TUSC3: variants seen among roughly 807,000 people sequenced by gnomAD.
TUSC3 encodes tumor suppressor candidate 3.
A neutral mutation model predicts 44.8 loss-of-function variants in TUSC3; 45 were observed. That is an observed-to-expected ratio of 1.00 (90% confidence interval 0.79 to 1.29). The LOEUF is 1.29. Among genes scored for constraint, TUSC3 ranks in the 50% most tolerant of loss-of-function variants. TUSC3 has a pLI of 0.00. For missense variants in TUSC3, 519 were observed against 437.9 expected (o/e 1.19, Z -1.65); for synonymous variants, 212 against 152.9 (o/e 1.39, Z -2.85).
Position 15,602,666 on chromosome 8 carries a change from A to ATGTGTGTG in TUSC3, c.139-20390_139-20383dup, listed in dbSNP as rs60206119. On this transcript the variant is annotated intron_variant, in intron 1 of 10. Transcript: ENST00000503731. ...GGGTTGTGAAGATTAAAATATTTATATGTGTGTGTGTGTGTGTGTGTGTGT... is the reference window on the plus strand; with the variant it reads ...GGGTTGTGAAGATTAAAATATTTATATGTGTGTGTGTGTGTGTGTGTGTGTGTGTGTGT... 2.3e-3 allele frequency among the ~76,000 whole-genome samples: 341 copies of ATGTGTGTG among 145,962 alleles called. 2 individuals carry two copies. The highest frequency in any genetic ancestry group is 6.7e-3 in the African/African-American group (268 of 40,190).
intron 1 of TUSC3, among the ~76,000 whole-genome samples, chr8:15,481,368 T>G (rs1585060489): frequency 6.6e-6 from 1 of 152,096 alleles, no homozygotes; most frequent in Non-Finnish European, 1.5e-5. Flanking sequence ...GGTAGCAGCT[T>G]CCTTATTAAA....
At chr8:15,474,875 G>C (rs924853757) in intron 1 of TUSC3, among the ~76,000 whole-genome samples, 1 of 152,112 alleles carries the variant, frequency 6.6e-6, no homozygotes, top group Non-Finnish European at 1.5e-5. Flanking sequence ...GTCTGTACTA[G>C]CCTCCTAACA....
downstream of TUSC3, among the ~76,000 whole-genome samples, chr8:15,768,294 A>T (rs1189936784): frequency 6.6e-6 from 1 of 152,182 alleles, no homozygotes; most frequent in Admixed American, 6.6e-5. Flanking sequence ...TGCTACATAA[A>T]CTGCAATTCA....
intron 1 of TUSC3, among the ~76,000 whole-genome samples, chr8:15,465,261 A>C (rs1390051): frequency 0.54 from 82,263 of 151,972 alleles, 23,414 homozygotes; most frequent in African/African-American, 0.72. Flanking sequence ...CATGGGACAC[A>C]ATAAGACTAC....
chr8:15,624,785 T>C (rs570624517), intron 2 of TUSC3, among the ~76,000 whole-genome samples: 1 of 152,332 alleles, frequency 6.6e-6, no homozygotes, highest in Non-Finnish European at 1.5e-5. Context: ...TTGCAGGTTT[T>C]AATTTTGATG....
At chr8:15,460,652 A>T (rs946586838) in intron 1 of TUSC3, among the ~76,000 whole-genome samples, 30 of 152,182 alleles carry the variant, frequency 2.0e-4, no homozygotes, top group African/African-American at 7.2e-4. Context: ...TAGAGTTGTT[A>T]TAGCTTCAGG....
intron 1 of TUSC3, among the ~76,000 whole-genome samples, chr8:15,560,475 A>C (rs576604846): frequency 3.3e-4 from 50 of 150,476 alleles, no homozygotes; most frequent in African/African-American, 1.2e-3. Flanking sequence ...TCTGACCATT[A>C]TGTGTCTTGG....
Position 15,510,696 on chromosome 8 carries a change from T to C in TUSC3, n.189+27213T>C, listed in dbSNP as rs144820515. Among the ~76,000 whole-genome samples, 183 of 152,242 alleles carry C rather than the reference T, an allele frequency of 1.2e-3. 1 individual carries two copies. The highest frequency in any genetic ancestry group is 2.7e-3 in the Admixed American group (42 of 15,294). ...ACACCAATTTTACACAAACTGTTCC[T>C]GAAAATTTAAGAGCGGGGAATGCTT... is the stretch of plus-strand genomic sequence containing the variant. On this transcript the variant is annotated intron_variant and non_coding_transcript_variant, in intron 2 of 5. Transcript: ENST00000503191.
intron 1 of TUSC3, among the ~76,000 whole-genome samples, chr8:15,563,691 A>AAAAAAAAAAG: frequency 6.6e-6 from 1 of 150,744 alleles, no homozygotes. Context: ...ATCTCAAAAA[A>AAAAAAAAAAG]AAAAAAAAAA....
chr8:15,560,245 T>A (rs1802409540), intron 1 of TUSC3, among the ~76,000 whole-genome samples: 1 of 147,748 alleles, frequency 6.8e-6, no homozygotes, highest in Admixed American at 6.8e-5. Context: ...AAGTATTTTA[T>A]TTCTCCTTCA....
chr8:15,646,258 G>A (rs150181011), intron 2 of TUSC3, among the ~76,000 whole-genome samples: 1 of 152,246 alleles, frequency 6.6e-6, no homozygotes, highest in African/African-American at 2.4e-5. Context: ...AATGGACATA[G>A]TATGTTCGTG....
At chr8:15,707,675 G>A (rs1809673676) in intron 6 of TUSC3, among the ~76,000 whole-genome samples, 1 of 151,942 alleles carries the variant, frequency 6.6e-6, no homozygotes, top group African/African-American at 2.4e-5. Context: ...ATGTGGAATG[G>A]GAAATGGAAA....
At chr8:15,720,625 C>T (rs1215200819) in intron 6 of TUSC3, among the ~76,000 whole-genome samples, 1 of 152,028 alleles carries the variant, frequency 6.6e-6, no homozygotes, top group African/African-American at 2.4e-5. Context: ...ATGCAGTGGT[C>T]CTGGACATAC....
intron 1 of TUSC3, among the ~76,000 whole-genome samples, chr8:15,426,234 T>C (rs1051757554): frequency 3.9e-5 from 6 of 152,172 alleles, no homozygotes; most frequent in African/African-American, 1.4e-4. Context: ...TTTGTTTTTG[T>C]TCTTGTTTCT....
At chr8:15,535,823 G>A (rs568654113), upstream of TUSC3, among the ~76,000 whole-genome samples, 3 of 152,282 alleles carry the variant, frequency 2.0e-5, no homozygotes, top group East Asian at 1.9e-4. Context: ...AGGAGATGAC[G>A]TGTTGGGAGA....
intron 1 of TUSC3, among the ~76,000 whole-genome samples, chr8:15,597,142 C>G (rs1452094259): frequency 6.6e-6 from 1 of 152,032 alleles, no homozygotes; most frequent in Non-Finnish European, 1.5e-5. Flanking sequence ...AGCACCTTGT[C>G]CAAGGTCAGA....
chr8:15,714,412 A>G (rs895718107), intron 6 of TUSC3, among the ~76,000 whole-genome samples: 2 of 152,172 alleles, frequency 1.3e-5, no homozygotes, highest in African/African-American at 4.8e-5. Flanking sequence ...TTCCAGCCAG[A>G]AAGTGTTTGA....
intron 1 of TUSC3, among the ~76,000 whole-genome samples, chr8:15,611,326 A>C (rs1253480502): frequency 2.6e-5 from 4 of 152,104 alleles, no homozygotes; most frequent in African/African-American, 9.7e-5. Context: ...AGCTGAGATT[A>C]CAGGCACCTG....
intron 1 of TUSC3, among the ~76,000 whole-genome samples, chr8:15,586,456 G>C (rs1444647878): frequency 6.6e-6 from 1 of 152,096 alleles, no homozygotes; most frequent in Non-Finnish European, 1.5e-5. Context: ...AAGTAAGATA[G>C]GAGAGTGGGA....
Sources: gnomAD v4.1 joint callset for allele counts (sites outside exome capture counted in the v4.1 genomes callset) on GRCh38, gnomAD v4.1.1 for gene constraint, MANE v1.5 for transcripts, NCBI Gene and HGNC (gene_info 2026-07-23, HGNC 2026-07-21) for gene names.